INPP4B: variants seen among roughly 807,000 people sequenced by gnomAD.
INPP4B encodes the protein inositol polyphosphate 4-phosphatase type II.
INPP4B carries 55 observed loss-of-function variants against 122.5 expected under a neutral mutation model. That is an observed-to-expected ratio of 0.45 (90% confidence interval 0.36 to 0.56). INPP4B has a LOEUF of 0.56. INPP4B is among the 20% of genes least tolerant of loss of function. The pLI, the probability that INPP4B is intolerant of heterozygous loss-of-function variation, is 0.00. For synonymous variants in INPP4B, 403 were observed against 388.7 expected, an observed-to-expected ratio of 1.04 and a Z score of -0.43; for missense variants, 1,000 against 1,097.7, an observed-to-expected ratio of 0.91 and a Z score of 1.26.
intron 25 of INPP4B, among the ~76,000 whole-genome samples, chr4:142,064,689 T>C (rs75281322): frequency 0.026 from 3,901 of 152,312 alleles, 70 homozygotes; most frequent in Non-Finnish European, 0.04. Flanking sequence ...ACTTTTGTTC[T>C]AGTCTATTTT....
intron 3 of INPP4B, among the ~76,000 whole-genome samples, chr4:142,450,850 A>G (rs1813989798): frequency 6.6e-6 from 1 of 152,128 alleles, no homozygotes; most frequent in Non-Finnish European, 1.5e-5. Flanking sequence ...AAAAATTTTC[A>G]AACTTCTATT....
At chr4:142,613,243 A>G (rs1443156776) in intron 2 of INPP4B, among the ~76,000 whole-genome samples, 1 of 152,204 alleles carries the variant, frequency 6.6e-6, no homozygotes, top group Non-Finnish European at 1.5e-5. Flanking sequence ...ATACACTACT[A>G]TTTGTTTTAA....
intron 7 of INPP4B, among the ~76,000 whole-genome samples, chr4:142,320,750 G>GT (rs1769696046): frequency 6.6e-6 from 1 of 152,092 alleles, no homozygotes; most frequent in South Asian, 2.1e-4. Context: ...ACTATGTTTG[G>GT]TTTTCCATTC....
intron 2 of INPP4B, among the ~76,000 whole-genome samples, chr4:142,711,840 G>T (rs1763157707): frequency 6.6e-6 from 1 of 152,118 alleles, no homozygotes; most frequent in Admixed American, 6.5e-5. Flanking sequence ...TTGAGGCCAG[G>T]AGTTCGAGAC....
At chr4:142,059,025 T>G (rs1211842810) in intron 25 of INPP4B, among the ~76,000 whole-genome samples, 1 of 152,146 alleles carries the variant, frequency 6.6e-6, no homozygotes, top group Non-Finnish European at 1.5e-5. Context: ...AATATGTTTG[T>G]GGAGGAGATA....
At chr4:142,414,230 T>C (rs1022994212) in intron 5 of INPP4B, among the ~76,000 whole-genome samples, 1 of 152,152 alleles carries the variant, frequency 6.6e-6, no homozygotes, top group Non-Finnish European at 1.5e-5. Flanking sequence ...AACACAACAA[T>C]ATTAAAACAT....
At chr4:142,478,568 G>A (rs570104241) in intron 2 of INPP4B, among the ~76,000 whole-genome samples, 12 of 151,978 alleles carry the variant, frequency 7.9e-5, no homozygotes, top group Admixed American at 2.6e-4. Flanking sequence ...TTTTTAGTTC[G>A]GTTTATGTGA....
intron 2 of INPP4B, among the ~76,000 whole-genome samples, chr4:142,527,902 A>T (rs1827134868): frequency 6.6e-6 from 1 of 151,790 alleles, no homozygotes; most frequent in African/African-American, 2.4e-5. Flanking sequence ...GTTGATATGC[A>T]TTTGCACTGG....
chr4:142,044,506 C>T (rs75676823), intron 25 of INPP4B, among the ~76,000 whole-genome samples: 2,380 of 151,920 alleles, frequency 0.016, 81 homozygotes, highest in African/African-American at 0.055. Context: ...GACTTTCAGT[C>T]GAATTTTAGG....
At chr4:142,623,684 C>T (rs916883404) in intron 2 of INPP4B, among the ~76,000 whole-genome samples, 2 of 151,632 alleles carry the variant, frequency 1.3e-5, no homozygotes. Flanking sequence ...CATCATTTAG[C>T]ATTAGGTATA....
At chr4:142,240,603 T>G (rs1292022904) in intron 11 of INPP4B, among the ~76,000 whole-genome samples, 1 of 152,154 alleles carries the variant, frequency 6.6e-6, no homozygotes, top group African/African-American at 2.4e-5. Context: ...TGGGTTCTGA[T>G]CTTTTGAGAC....
intron 2 of INPP4B, among the ~76,000 whole-genome samples, chr4:142,701,094 T>C (rs1192936290): frequency 6.6e-6 from 1 of 151,854 alleles, no homozygotes; most frequent in African/African-American, 2.4e-5. Context: ...CCCAAGAAAG[T>C]AGGAATCACA....
chr4:142,115,181 CTGAT>C (rs1209609210), intron 21 of INPP4B, among the ~76,000 whole-genome samples: 1 of 152,090 alleles, frequency 6.6e-6, no homozygotes, highest in Non-Finnish European at 1.5e-5. Context: ...AAATCTACAT[CTGAT>C]TGGTTTACCT....
chr4:142,331,679 A>G (rs1262484474), intron 7 of INPP4B, among the ~76,000 whole-genome samples: 1 of 152,178 alleles, frequency 6.6e-6, no homozygotes, highest in East Asian at 1.9e-4. Context: ...TTTAAAACCA[A>G]TGGAAACTTT....
intron 2 of INPP4B, among the ~76,000 whole-genome samples, chr4:142,469,224 T>C (rs1401548641): frequency 6.6e-6 from 1 of 151,824 alleles, no homozygotes; most frequent in East Asian, 1.9e-4. Context: ...TTCTATATAA[T>C]AGCAAAAAAT....
intron 21 of INPP4B, among the ~76,000 whole-genome samples, chr4:142,118,873 G>A (rs1795144499): frequency 1.3e-5 from 2 of 152,010 alleles, no homozygotes; most frequent in South Asian, 4.2e-4. Flanking sequence ...CAGAATTGGA[G>A]AAAATTTTTA....
At chr4:142,187,534 A>T (rs1212611157) in intron 15 of INPP4B, among the ~76,000 whole-genome samples, 1 of 151,892 alleles carries the variant, frequency 6.6e-6, no homozygotes, top group African/African-American at 2.4e-5. Context: ...ATCTATCTAT[A>T]TATAAATATA....
At chr4:142,468,040 A>T (rs769344533) in intron 2 of INPP4B, 1 of 152,144 alleles carries the variant, frequency 6.6e-6, no homozygotes, top group African/African-American at 2.4e-5. Context: ...TTCCAGTACT[A>T]TGCCTCCTGT....
chr4:142,612,791 C>A (rs1291384429), intron 2 of INPP4B, among the ~76,000 whole-genome samples: 1 of 152,090 alleles, frequency 6.6e-6, no homozygotes, highest in Non-Finnish European at 1.5e-5. Context: ...CAAATATCAC[C>A]ATGGGTGTTA....
Sources: gnomAD v4.1 joint callset for allele counts (sites outside exome capture counted in the v4.1 genomes callset) on GRCh38, gnomAD v4.1.1 for gene constraint, MANE v1.5 for transcripts, NCBI Gene and HGNC (gene_info 2026-07-23, HGNC 2026-07-21) for gene names.